REV1: variants seen among roughly 807,000 people sequenced by gnomAD.
REV1 encodes the protein REV1 DNA directed polymerase, also known as translesion synthesis protein REV1.
REV1 carries 42 observed loss-of-function variants against 137.4 expected under a neutral mutation model. The observed-to-expected ratio is 0.31, with a 90% CI of 0.24 to 0.40. The LOEUF (loss-of-function observed/expected upper bound fraction) is 0.40. Among genes scored for constraint, REV1 ranks in the 10% least tolerant of loss-of-function variants. REV1 has a pLI of 1.00. For synonymous variants in REV1, 524 were observed against 519.2 expected (o/e 1.01, Z -0.12); for missense variants, 1,282 against 1,490.1 (o/e 0.86, Z 2.30).
chr2:99,406,243 C>T, intron 16 of REV1, 82 bp downstream of exon 16: 1 of 1,462,206 alleles, frequency 6.8e-7, no homozygotes, highest in Non-Finnish European at 9.2e-7. Flanking sequence ...TCACATAAAG[C>T]TGTGTCAATT....
chr2:99,486,917 G>GAA (rs10711134), intron 1 of REV1, among the ~76,000 whole-genome samples: 2 of 149,486 alleles, frequency 1.3e-5, no homozygotes, highest in Admixed American at 1.3e-4. Flanking sequence ...AAATAAGTGG[G>GAA]AAAAAAAAAA....
chr2:99,413,546 T>G (rs1677466310), intron 12 of REV1, among the ~76,000 whole-genome samples: 1 of 152,206 alleles, frequency 6.6e-6, no homozygotes, highest in African/African-American at 2.4e-5. Flanking sequence ...GACAGACTTT[T>G]TTTTTAATCA....
chr2:99,402,141 C>G, intron 22 of REV1, 103 bp downstream of exon 22: 1 of 603,696 alleles, frequency 1.7e-6, no homozygotes, highest in Non-Finnish European at 3.0e-6. Context: ...TCTCATTAAC[C>G]CTAATGAGTA....
At chr2:99,439,439 T>C (rs545112730) in intron 5 of REV1, 129 bp from the exon 6 acceptor site, 3 of 575,056 alleles carry the variant, frequency 5.2e-6, no homozygotes, top group East Asian at 2.9e-5. Flanking sequence ...AATTCTTATA[T>C]TGAATATTGA....
chr2:99,418,159 C>A (rs1678144639), intron 12 of REV1, among the ~76,000 whole-genome samples: 1 of 149,232 alleles, frequency 6.7e-6, no homozygotes, highest in Non-Finnish European at 1.5e-5. Flanking sequence ...CTACTTTTAA[C>A]AAATGAATTT....
chr2:99,469,822 T>A (rs1685201343), intron 1 of REV1, among the ~76,000 whole-genome samples: 1 of 152,144 alleles, frequency 6.6e-6, no homozygotes, highest in Admixed American at 6.5e-5. Context: ...ACCCCGAGAA[T>A]TATGTTTATC....
chr2:99,462,810 G>A (rs926288895), intron 2 of REV1, 188 bp from the exon 3 acceptor site: 24 of 532,558 alleles, frequency 4.5e-5, no homozygotes, highest in South Asian at 2.0e-4. Context: ...AAGTTGGGCC[G>A]GGCGCAGTGG....
intron 1 of REV1, among the ~76,000 whole-genome samples, chr2:99,469,029 T>G (rs1167156033): frequency 6.6e-6 from 1 of 152,058 alleles, no homozygotes; most frequent in Non-Finnish European, 1.5e-5. Flanking sequence ...TCAGAGTGAG[T>G]CTAACAGCAC....
chr2:99,448,689 T>C (rs1188128828), intron 4 of REV1, among the ~76,000 whole-genome samples: 1 of 152,164 alleles, frequency 6.6e-6, no homozygotes, highest in Non-Finnish European at 1.5e-5. Flanking sequence ...CTCCATGAGG[T>C]AGTGAAGGGA....
At chr2:99,431,910 G>A (rs552814531) in intron 8 of REV1, 6 of 985,272 alleles carry the variant, frequency 6.1e-6, no homozygotes, top group African/African-American at 1.7e-5. Context: ...GTGGAGGAAC[G>A]GTTGGAGAAA....
At chr2:99,440,421 A>G (rs1681335770) in intron 5 of REV1, among the ~76,000 whole-genome samples, 1 of 152,170 alleles carries the variant, frequency 6.6e-6, no homozygotes, top group Non-Finnish European at 1.5e-5. Context: ...CCCTAATACC[A>G]ACTTGGTTTA....
intron 11 of REV1, among the ~76,000 whole-genome samples, chr2:99,419,720 G>A (rs185604102): frequency 1.9e-4 from 29 of 152,324 alleles, no homozygotes; most frequent in Middle Eastern, 3.4e-3. Context: ...TGAGGTTCAC[G>A]GTGTAGGTGT....
intron 5 of REV1, among the ~76,000 whole-genome samples, 186 bp downstream of exon 5, chr2:99,442,130 TA>T (rs765046465): frequency 8.6e-5 from 13 of 151,556 alleles, no homozygotes; most frequent in Non-Finnish European, 1.5e-4. Context: ...CACACGCCTG[TA>T]AGCCTAGCTA....
intron 14 of REV1, among the ~76,000 whole-genome samples, chr2:99,408,992 G>T (rs1039381043): frequency 6.6e-6 from 1 of 152,120 alleles, no homozygotes; most frequent in Non-Finnish European, 1.5e-5. Context: ...TCTGCTTATA[G>T]AAATAACCAC....
chr2:99,458,496 C>T (rs550357738), intron 3 of REV1, among the ~76,000 whole-genome samples: 1 of 152,276 alleles, frequency 6.6e-6, no homozygotes, highest in South Asian at 2.1e-4. Context: ...GTATAAAATA[C>T]TACAACCACT....
chr2:99,429,967 AT>A lies in REV1; in HGVS notation c.1439-20del. ...ATATCTGCTTTAAAAATAAAAAAAA[AT>A]TAATGGTTATATGTTATAAACTGAT... On this transcript the variant is annotated intron_variant, in intron 8 of 22. Coordinates refer to ENST00000258428, the MANE Select transcript of REV1 (RefSeq NM_016316.4). 1.4e-6 allele frequency: 2 copies of A among 1,433,754 alleles called. No homozygotes were observed. The highest frequency in any genetic ancestry group is 1.9e-6 in the Non-Finnish European group (2 of 1,046,564). The allele number at this position is 1,433,754 out of a possible 1,614,324, so 88.8% of individuals were successfully genotyped here.
chr2:99,455,389 T>C (rs942065684), intron 3 of REV1, among the ~76,000 whole-genome samples: 1 of 152,186 alleles, frequency 6.6e-6, no homozygotes, highest in African/African-American at 2.4e-5. Flanking sequence ...CTCTTGACTC[T>C]TCTCACCCCT....
At chr2:99,421,720 A>T in intron 10 of REV1, 67 bp from the exon 11 acceptor site, 1 of 1,492,386 alleles carries the variant, frequency 6.7e-7, no homozygotes, top group East Asian at 2.4e-5. Flanking sequence ...CAATGTTGCA[A>T]AATAGTCTTC....
In REV1 at chr2:99,418,836, T is replaced by C. The variant is rs753197177; in HGVS notation, c.1943A>G (p.Asn648Ser). 25 of 1,611,242 alleles carry C rather than the reference T, an allele frequency of 1.6e-5. No homozygotes were observed. The highest frequency in any genetic ancestry group is 4.5e-5 in the East Asian group (2 of 44,814). Reference protein sequence around the residue: ...DDFIRGQLVTNLPGVGHSMES... With the variant: ...DDFIRGQLVTSLPGVGHSMES... ...AAAATATTTCTATTTACCTGGTAGATTGGTCACTAGCTGGCCTCTGATAAA... is the reference window on the plus strand; with the variant it reads ...AAAATATTTCTATTTACCTGGTAGACTGGTCACTAGCTGGCCTCTGATAAA... Residue 648 changes from asparagine (N) to serine (S), a missense_variant, in exon 12 of 23, where the codon AAT becomes AGT. Coordinates refer to ENST00000258428, the MANE Select transcript of REV1 (RefSeq NM_016316.4).
Sources: gnomAD v4.1 joint callset for allele counts (sites outside exome capture counted in the v4.1 genomes callset) on GRCh38, gnomAD v4.1.1 for gene constraint, MANE v1.5 for transcripts, NCBI Gene and HGNC (gene_info 2026-07-23, HGNC 2026-07-21) for gene names.